Variants in ADAM12 observed in about 807,000 individuals in gnomAD.
The protein encoded by ADAM12 is ADAM metallopeptidase domain 12.
ADAM12 carries 70 observed loss-of-function variants against 106.4 expected under a neutral mutation model. The observed-to-expected ratio is 0.66, with a 90% CI of 0.54 to 0.80. The LOEUF is 0.80. ADAM12 is among the 30% of genes least tolerant of loss of function. The pLI, the probability that ADAM12 is intolerant of heterozygous loss-of-function variation, is 0.00. For missense variants in ADAM12, 1,010 were observed against 1,171.9 expected, an observed-to-expected ratio of 0.86 and a Z score of 2.02; for synonymous variants, 420 against 433.5, an observed-to-expected ratio of 0.97 and a Z score of 0.39.
intron 3 of ADAM12, among the ~76,000 whole-genome samples, chr10:126,174,651 C>A (rs1236803330): frequency 1.3e-5 from 2 of 152,094 alleles, no homozygotes; most frequent in Admixed American, 1.3e-4. Context: ...TCTCCCCGTG[C>A]CCTTTACCCT....
rs752650008 is a variant in ADAM12, at chr10:126,330,467, C to T, written c.131G>A (p.Ser44Asn). The T allele has an allele frequency of 6.8e-6, 11 of 1,613,808 alleles. No homozygotes were observed. Among genetic ancestry groups the T allele is most frequent in the South Asian group, 4.4e-5 (4 of 91,052 alleles). The change falls in exon 2 of 23, where the codon AGT becomes AAT. Residue 44 changes from serine (S) to asparagine (N), a missense_variant. This residue lies in a region of ADAM12 where 391 missense variants were observed against 442.9 expected (regional missense o/e 0.88). Coordinates refer to ENST00000448723, the MANE Select transcript of ADAM12 (RefSeq NM_001288973.2). ...WNQGRADEVV[S>N]ASVGSGDLWI... ...GAGGTCCCCACTCCCAACAGAGGCA[C>T]TGACAACTTCATCAGCTCTTCCTTG...
At chr10:126,082,868 T>G (rs1165489159) in intron 11 of ADAM12, among the ~76,000 whole-genome samples, 1 of 152,206 alleles carries the variant, frequency 6.6e-6, no homozygotes, top group Admixed American at 6.5e-5. Flanking sequence ...GTGTGGGGAA[T>G]GGACATTGCT....
intron 1 of ADAM12, among the ~76,000 whole-genome samples, chr10:126,387,147 C>G (rs1441678432): frequency 6.6e-6 from 1 of 152,110 alleles, no homozygotes; most frequent in Non-Finnish European, 1.5e-5. Context: ...CAAGGGAAGT[C>G]GTTCATCGGT....
intron 1 of ADAM12, among the ~76,000 whole-genome samples, chr10:126,332,122 T>C (rs1241043544): frequency 1.3e-5 from 2 of 152,194 alleles, no homozygotes; most frequent in Non-Finnish European, 2.9e-5. Flanking sequence ...CACGGGCCAG[T>C]TGTGTCCCAC....
intron 3 of ADAM12, among the ~76,000 whole-genome samples, chr10:126,168,518 TTATTAA>T (rs1228830951): frequency 6.6e-6 from 1 of 152,160 alleles, no homozygotes; most frequent in Admixed American, 6.6e-5. Context: ...GCAATTATTA[TTATTAA>T]TAAGTCCGCT....
At chr10:126,362,309 G>GA (rs567700129) in intron 1 of ADAM12, among the ~76,000 whole-genome samples, 15 of 152,232 alleles carry the variant, frequency 9.9e-5, no homozygotes, top group Admixed American at 8.5e-4. Flanking sequence ...AGGATGTGAA[G>GA]AAAAGAAAAC....
At position 126,017,224 on chromosome 10, in the gene ADAM12, A is replaced by T; in HGVS notation, c.*55T>A. On this transcript the variant is annotated 3_prime_UTR_variant, in exon 23 of 23. Coordinates refer to ENST00000448723, the MANE Select transcript of ADAM12 (RefSeq NM_001288973.2). ...AGTTGGTACAAAAAACTCCAACTGGAGCTGAAAGATAGTGCAAACTTCTGT... is the reference window on the plus strand; with the variant it reads ...AGTTGGTACAAAAAACTCCAACTGGTGCTGAAAGATAGTGCAAACTTCTGT... The T allele has an allele frequency of 1.4e-6, 2 of 1,458,202 alleles. No individual in the cohort carries two copies. Among genetic ancestry groups the T allele is most frequent in the Non-Finnish European group, 1.9e-6 (2 of 1,077,496 alleles). 90.3% of individuals were successfully genotyped at this position (1,458,202 alleles called of 1,614,324 possible).
At chr10:126,318,558 T>TCACACTCA (rs1253301370) in intron 2 of ADAM12, among the ~76,000 whole-genome samples, 5 of 57,560 alleles carry the variant, frequency 8.7e-5, no homozygotes, top group East Asian at 9.4e-4. Flanking sequence ...AAACTCACAT[T>TCACACTCA]CACACTCACA....
intron 10 of ADAM12, among the ~76,000 whole-genome samples, chr10:126,095,310 G>C (rs1451737151): frequency 6.6e-6 from 1 of 150,854 alleles, no homozygotes; most frequent in African/African-American, 2.5e-5. Flanking sequence ...TGAGGCAGGG[G>C]GATCATGAGG....
chr10:126,024,009 T>C (rs1236560581), intron 21 of ADAM12, among the ~76,000 whole-genome samples: 2 of 152,068 alleles, frequency 1.3e-5, no homozygotes, highest in Non-Finnish European at 2.9e-5. Flanking sequence ...TGGGTATTAT[T>C]GGAAAAAGTT....
chr10:126,072,192 T>C (rs768662002), intron 11 of ADAM12, among the ~76,000 whole-genome samples: 2 of 152,122 alleles, frequency 1.3e-5, no homozygotes, highest in Non-Finnish European at 1.5e-5. Flanking sequence ...CCCAGCACAG[T>C]TGTAAGAGAA....
At chr10:126,082,374 T>TTTTTG (rs1554966478) in intron 11 of ADAM12, among the ~76,000 whole-genome samples, 3 of 145,058 alleles carry the variant, frequency 2.1e-5, no homozygotes, top group Admixed American at 6.9e-5. Flanking sequence ...TTTTTTTTTT[T>TTTTTG]TTTTTTTTTT....
At chr10:126,288,817 G>A (rs1463757842) in intron 2 of ADAM12, among the ~76,000 whole-genome samples, 1 of 151,352 alleles carries the variant, frequency 6.6e-6, no homozygotes, top group African/African-American at 2.4e-5. Context: ...ATGGTGACAC[G>A]GTGGCCCAGG....
At chr10:126,155,784 C>T (rs1674916) in intron 3 of ADAM12, among the ~76,000 whole-genome samples, 2 of 151,814 alleles carry the variant, frequency 1.3e-5, no homozygotes, top group Non-Finnish European at 1.5e-5. Context: ...CTGGCTCCCC[C>T]GCAGGTGAGA....
At chr10:126,095,126 T>C (rs949550762) in intron 10 of ADAM12, among the ~76,000 whole-genome samples, 5 of 152,142 alleles carry the variant, frequency 3.3e-5, no homozygotes, top group Non-Finnish European at 7.3e-5. Flanking sequence ...GATAAGATGT[T>C]TTCCAAGAGG....
intron 5 of ADAM12, among the ~76,000 whole-genome samples, chr10:126,128,286 A>T (rs977281387): frequency 6.6e-6 from 1 of 152,034 alleles, no homozygotes; most frequent in Non-Finnish European, 1.5e-5. Flanking sequence ...GTACCTGGTG[A>T]TATGGGGATG....
intron 1 of ADAM12, among the ~76,000 whole-genome samples, chr10:126,362,083 G>A (rs992687564): frequency 1.3e-5 from 2 of 152,088 alleles, no homozygotes; most frequent in African/African-American, 4.8e-5. Context: ...AAACAATTCT[G>A]TAGAAAGAAA....
At position 126,381,116 on chromosome 10, in the gene ADAM12, T is replaced by C. The variant is rs1272665965; in HGVS notation, c.88+6942A>G. Among the ~76,000 whole-genome samples, 7 of 152,342 alleles carry C rather than the reference T, an allele frequency of 4.6e-5. No homozygotes were observed. The East Asian group carries it at 1.3e-3, about 29-fold the overall frequency. ...ATTAGGTATATGTTGACTTTGAGTT[T>C]TTATAGATTTTGAAAAGAAAGTTTT... On this transcript the variant is annotated intron_variant, in intron 1 of 22. Coordinates refer to ENST00000448723, the MANE Select transcript of ADAM12 (RefSeq NM_001288973.2).
In ADAM12 at chr10:126,376,859, A is replaced by C. The variant is rs1045167306; in HGVS notation, c.88+11199T>G. 3.3e-5 allele frequency among the ~76,000 whole-genome samples: 5 copies of C among 152,336 alleles called. No individual in the cohort carries two copies. The South Asian group carries it at 1.0e-3, about 32-fold the overall frequency. Reference sequence around the variant, plus strand: ...AGACATTAAACTTTATACTTTATTGAATACTTAGCATGGTCTGAGCACTGT... The same window carrying C: ...AGACATTAAACTTTATACTTTATTGCATACTTAGCATGGTCTGAGCACTGT... On this transcript the variant is annotated intron_variant, in intron 1 of 22. Transcript: ENST00000448723.
Sources: gnomAD v4.1 joint callset for allele counts (sites outside exome capture counted in the v4.1 genomes callset) on GRCh38, gnomAD v4.1.1 for gene constraint, gnomAD v4.1.1 regional missense constraint, MANE v1.5 for transcripts, NCBI Gene and HGNC (gene_info 2026-07-23, HGNC 2026-07-21) for gene names.